Variants in MYO9A observed in about 807,000 individuals in gnomAD.
MYO9A encodes the protein myosin IXA.
A neutral mutation model predicts 293.3 loss-of-function variants in MYO9A; 103 were observed. The ratio of observed to expected loss-of-function variants is 0.35; its 90% CI spans 0.30 to 0.41. The LOEUF is 0.41. MYO9A is among the 10% of genes least tolerant of loss of function. The probability of loss-of-function intolerance (pLI) is 1.00; values close to 1 mark genes in which losing one functional copy is unlikely to be tolerated. For missense variants in MYO9A, 2,685 were observed against 3,033.0 expected, an observed-to-expected ratio of 0.89 and a Z score of 2.69; for synonymous variants, 1,001 against 1,035.7, an observed-to-expected ratio of 0.97 and a Z score of 0.64.
chr15:71,843,499 TTTTG>T (rs1288442531), intron 39 of MYO9A, among the ~76,000 whole-genome samples: 9 of 152,206 alleles, frequency 5.9e-5, no homozygotes, highest in East Asian at 1.9e-4. Context: ...TTTTGTTTGT[TTTTG>T]TTTAAGACAG....
chr15:72,008,509 T>A (rs1211886130), intron 7 of MYO9A, among the ~76,000 whole-genome samples: 1 of 151,294 alleles, frequency 6.6e-6, no homozygotes, highest in Non-Finnish European at 1.5e-5. Context: ...TGTGTGTATG[T>A]GTGTGTGTAA....
chr15:71,840,154 A>G (rs974037977), intron 39 of MYO9A, among the ~76,000 whole-genome samples: 1 of 152,216 alleles, frequency 6.6e-6, no homozygotes, highest in African/African-American at 2.4e-5. Context: ...CTGAAAGTGG[A>G]GTCTGTTGTA....
chr15:71,902,288 G>A (rs2057508067), intron 22 of MYO9A, among the ~76,000 whole-genome samples: 1 of 151,996 alleles, frequency 6.6e-6, no homozygotes, highest in Non-Finnish European at 1.5e-5. Context: ...ATTTAATGAG[G>A]AGGTTATCAG....
chr15:71,958,799 T>C (rs954116526), intron 14 of MYO9A: 15 of 152,346 alleles, frequency 9.8e-5, no homozygotes, highest in African/African-American at 3.4e-4. Flanking sequence ...AGGTTGTTTA[T>C]CATTAATAAC....
intron 32 of MYO9A, among the ~76,000 whole-genome samples, chr15:71,869,605 T>C (rs1454016310): frequency 6.6e-6 from 1 of 152,224 alleles, no homozygotes; most frequent in Admixed American, 6.5e-5. Flanking sequence ...TACGGTTTAT[T>C]TGTACTTCTC....
chr15:72,047,923 AC>A (rs987206705), intron 1 of MYO9A, among the ~76,000 whole-genome samples: 23 of 151,328 alleles, frequency 1.5e-4, no homozygotes, highest in African/African-American at 5.3e-4. Context: ...GGTGTGCGCC[AC>A]CTTGCCTGGC....
chr15:72,063,093 A>G lies in MYO9A; in HGVS notation c.-71-16459T>C, dbSNP rs13329270. On this transcript the variant is annotated intron_variant, in intron 1 of 41. Coordinates refer to ENST00000356056, the MANE Select transcript of MYO9A (RefSeq NM_006901.4). ...GAATGGAGAACCCAGAAATGAATCC[A>G]TACATCTATAGTGAATTCATTTTTG... Among the ~76,000 whole-genome samples the G allele has an allele frequency of 5.6e-3, 859 of 152,356 alleles. 12 individuals are homozygous for G. The highest frequency in any genetic ancestry group is 0.02 in the African/African-American group (813 of 41,592).
At position 71,854,547 on chromosome 15, in the gene MYO9A, C is replaced by T. The variant is rs767340123; in HGVS notation, c.6176G>A (p.Arg2059Gln). The T allele has an allele frequency of 7.5e-6, 12 of 1,603,226 alleles. No individual in the cohort carries two copies. The highest frequency in any genetic ancestry group is 4.5e-5 in the South Asian group (4 of 87,944). The change falls in exon 35 of 42, where the codon CGA becomes CAA. Residue 2059 changes from arginine to glutamine, a missense_variant. Coordinates refer to ENST00000356056, the MANE Select transcript of MYO9A (RefSeq NM_006901.4). ...ACGGGACAGTTCAACCCCAAATTGT[C>T]GAGATGACAGCTCTGGATCATACTA... ...SKKYDPELSS[R>Q]QFGVELSRLT... is the part of the protein sequence containing the mutation.
rs1225862417 is a variant in MYO9A at position 72,094,168 on chromosome 15, C to A, written c.-72+23512G>T. On this transcript the variant is annotated intron_variant, in intron 1 of 41. Coordinates refer to ENST00000356056, the MANE Select transcript of MYO9A (RefSeq NM_006901.4). ...AAGGCTGCAGTGAGCTATGATCACA[C>A]CACTGCACTCCAGCTGGGAAACAGA... is the stretch of plus-strand genomic sequence containing the variant. Among the ~76,000 whole-genome samples, 7 of 87,702 alleles carry A rather than the reference C, an allele frequency of 8.0e-5. 1 individual carries two copies. Among genetic ancestry groups the A allele is most frequent in the African/African-American group, 1.9e-4 (7 of 37,704 alleles). The allele number at this position is 87,702 out of a possible 152,430, so 57.5% of individuals were successfully genotyped here.
At chr15:72,003,396 T>C (rs1436768600) in intron 8 of MYO9A, among the ~76,000 whole-genome samples, 3 of 151,654 alleles carry the variant, frequency 2.0e-5, no homozygotes, top group African/African-American at 7.3e-5. Flanking sequence ...ACAGACTATT[T>C]ACAAAGAACT....
At position 71,862,548 on chromosome 15, in the gene MYO9A, A is replaced by G. The variant is rs375713583; in HGVS notation, c.6043T>C (p.Tyr2015His). The G allele has an allele frequency of 1.4e-5, 22 of 1,613,218 alleles. No homozygotes were observed. Among genetic ancestry groups the G allele is most frequent in the Non-Finnish European group, 1.6e-5 (19 of 1,179,378 alleles). Residue 2015 changes from tyrosine (Y) to histidine (H), a missense_variant, in exon 33 of 42, where the codon TAC becomes CAC. Tyr to His is a moderately conservative substitution (Grantham distance 83). Around this residue, in one of 10 missense-constraint regions of MYO9A, gnomAD observed 14 missense variants for 38.0 expected, o/e 0.37. Coordinates refer to ENST00000356056, the MANE Select transcript of MYO9A (RefSeq NM_006901.4). ...ATTATCCATATCAAAGAAGAACAGT[A>G]TTCACAGTATGTAGGGATGCTATAT... ...TQYSIPTYCE[Y>H]CSSLIWIMDR...
Position 72,046,177 on chromosome 15 carries a change from T to G in MYO9A, c.387A>C (p.Glu129Asp). 6.2e-7 allele frequency: 1 copy of G among 1,614,192 alleles called. No individual in the cohort carries two copies. The highest frequency in any genetic ancestry group is 8.5e-7 in the Non-Finnish European group (1 of 1,180,036). Residue 129 changes from glutamate (E) to aspartate (D), a missense_variant, in exon 2 of 42, where the codon GAA (glutamate) becomes GAC (aspartate). Around this residue, in one of 10 missense-constraint regions of MYO9A, gnomAD observed 63 missense variants for 57.9 expected, o/e 1.09. Transcript: ENST00000356056. Reference sequence around the variant, plus strand: ...CCCGTTCCATCATCCTGCGACGTTCTTCTGTTACCCGTAGCCATGACTGCA... The same window carrying G: ...CCCGTTCCATCATCCTGCGACGTTCGTCTGTTACCCGTAGCCATGACTGCA... ...GSLQSWLRVT[E>D]ERRRMMERGF...
At chr15:71,903,710 T>G (rs1033619897) in intron 21 of MYO9A, among the ~76,000 whole-genome samples, 1 of 152,214 alleles carries the variant, frequency 6.6e-6, no homozygotes, top group Non-Finnish European at 1.5e-5. Flanking sequence ...CAAATGAGAA[T>G]AGCCAAGTAC....
At chr15:72,038,903 T>C (rs2078142930) in intron 2 of MYO9A, among the ~76,000 whole-genome samples, 1 of 152,200 alleles carries the variant, frequency 6.6e-6, no homozygotes, top group South Asian at 2.1e-4. Flanking sequence ...TTGTTTGTTT[T>C]ACAGCATGTA....
intron 18 of MYO9A, among the ~76,000 whole-genome samples, chr15:71,928,636 T>C (rs1450862350): frequency 2.0e-5 from 3 of 152,198 alleles, no homozygotes; most frequent in Non-Finnish European, 4.4e-5. Context: ...TATGATTTTT[T>C]TGTATACAGA....
intron 19 of MYO9A, among the ~76,000 whole-genome samples, chr15:71,911,320 T>C (rs370935005): frequency 1.3e-5 from 2 of 152,168 alleles, no homozygotes; most frequent in East Asian, 3.9e-4. Context: ...TTCAAACCAA[T>C]CAGCCTTTTC....
In MYO9A at chr15:72,065,104, T is replaced by C. The variant is rs554737822; in HGVS notation, c.-71-18470A>G. Among the ~76,000 whole-genome samples the C allele has an allele frequency of 2.6e-5, 4 of 152,340 alleles. No homozygotes were observed. The East Asian group carries it at 7.7e-4, about 29-fold the overall frequency. ...GGGGAAGGAAAGGCTTCTATGTCAA[T>C]GGTGCTGCACCAACTGGATTGTCTA... On this transcript the variant is annotated intron_variant, in intron 1 of 41. Coordinates refer to ENST00000356056, the MANE Select transcript of MYO9A (RefSeq NM_006901.4).
Position 71,825,408 on chromosome 15 carries a change from A to G in MYO9A, c.*1172T>C, listed in dbSNP as rs750446935. The G allele has an allele frequency of 1.3e-5, 2 of 152,138 alleles. No homozygotes were observed. The highest frequency in any genetic ancestry group is 2.9e-5 in the Non-Finnish European group (2 of 68,038). The allele number at this position is 152,138 out of a possible 1,614,324, so 9.4% of individuals were successfully genotyped here. On this transcript the variant is annotated 3_prime_UTR_variant, in exon 42 of 42. Transcript: ENST00000356056. ...CAGTAACCAGAATATTAACAAAAAT[A>G]GCTTCAAGTAGTCCTTGATTTTTTT...
At chr15:72,002,616 T>C (rs1012597506) in intron 8 of MYO9A, among the ~76,000 whole-genome samples, 2 of 152,208 alleles carry the variant, frequency 1.3e-5, no homozygotes, top group African/African-American at 4.8e-5. Context: ...AGTTTCAGAA[T>C]AATATATACA....
Sources: gnomAD v4.1 joint callset for allele counts (sites outside exome capture counted in the v4.1 genomes callset) on GRCh38, gnomAD v4.1.1 for gene constraint, gnomAD v4.1.1 regional missense constraint, MANE v1.5 for transcripts, NCBI Gene and HGNC (gene_info 2026-07-23, HGNC 2026-07-21) for gene names.